Variants in TMEM94 observed in about 807,000 individuals in gnomAD.
TMEM94 encodes transmembrane protein 94.
In TMEM94, 81 loss-of-function variants were observed where a neutral mutation model predicts 158.6. The ratio of observed to expected loss-of-function variants is 0.51; its 90% CI spans 0.43 to 0.61. The LOEUF is 0.61. TMEM94 is among the 20% of genes least tolerant of loss of function. The pLI is 0.00. For missense variants in TMEM94, 1,435 were observed against 1,762.0 expected (o/e 0.81, Z 3.32); for synonymous variants, 751 against 730.7 (o/e 1.03, Z -0.45).
At position 75,462,001 on chromosome 17, in the gene TMEM94, G is replaced by GTTTTTTTTT. The variant is rs1230233393; in HGVS notation, c.-107+5254_-107+5255insTTTTTTTTT. Among the ~76,000 whole-genome samples the GTTTTTTTTT allele has an allele frequency of 1.9e-3, 164 of 85,648 alleles. 25 individuals are homozygous for GTTTTTTTTT. Among genetic ancestry groups the GTTTTTTTTT allele is most frequent in the South Asian group, 2.4e-3 (6 of 2,474 alleles). The allele number at this position is 85,648 out of a possible 152,430, so 56.2% of individuals were successfully genotyped here. Reference sequence around the variant, plus strand: ...TAAATTTTACAGTTTTTTTTGTTTTGTTTTGTTTTGTTTTTTTTTTTTTTG... The same window carrying GTTTTTTTTT: ...TAAATTTTACAGTTTTTTTTGTTTTGTTTTTTTTTTTTTGTTTTGTTTTTTTTTTTTTTG... On this transcript the variant is annotated intron_variant, in intron 1 of 31. Transcript: ENST00000314256.
At position 75,498,098 on chromosome 17, in the gene TMEM94, G is replaced by A. The variant is rs148897625; in HGVS notation, c.3490-77G>A. On this transcript the variant is annotated intron_variant, in intron 27 of 31. Transcript: ENST00000314256. The surrounding 1 kb of genome is among the most constrained non-coding windows in gnomAD (Gnocchi z 6.7). ...AGGCCTGACCATTTACTAAGAGCCCGTTGAATACGTGGAAGAGCTAGGAGC... is the reference window on the plus strand; with the variant it reads ...AGGCCTGACCATTTACTAAGAGCCCATTGAATACGTGGAAGAGCTAGGAGC... 209 of 1,579,218 alleles carry A rather than the reference G, an allele frequency of 1.3e-4. 1 individual carries two copies. The African/African-American group carries it at 2.2e-3, about 16-fold the overall frequency.
rs763075639 is a variant in TMEM94, at chr17:75,489,666, A to G, written c.954+4A>G. ...GTACACCCTCCTCCAGCTCCAGGCAAGGACCACCCTGTCCTCTCTGTCATG... is the reference window on the plus strand; with the variant it reads ...GTACACCCTCCTCCAGCTCCAGGCAGGGACCACCCTGTCCTCTCTGTCATG... On this transcript the variant is annotated splice_donor_region_variant and intron_variant, in intron 9 of 31. Coordinates refer to ENST00000314256, the MANE Select transcript of TMEM94 (RefSeq NM_014738.6). The surrounding 1 kb of genome is among the most constrained non-coding windows in gnomAD (Gnocchi z 5.0). 2.8e-5 allele frequency: 45 copies of G among 1,610,680 alleles called. No individual in the cohort carries two copies. The highest frequency in any genetic ancestry group is 3.7e-5 in the Non-Finnish European group (43 of 1,177,166).
At chr17:75,478,109 G>T (rs1375190849) in intron 2 of TMEM94, among the ~76,000 whole-genome samples, 1 of 117,674 alleles carries the variant, frequency 8.5e-6, no homozygotes, top group African/African-American at 3.2e-5. Flanking sequence ...TCCGCCTCCC[G>T]GGTTCACGCC....
intron 1 of TMEM94, among the ~76,000 whole-genome samples, chr17:75,466,399 T>C (rs1250413921): frequency 3.3e-5 from 5 of 152,212 alleles, no homozygotes; most frequent in Admixed American, 3.3e-4. Context: ...GTAGTGTAAG[T>C]CCTCAGAATT....
At chr17:75,467,655 C>G (rs2050355789) in intron 1 of TMEM94, among the ~76,000 whole-genome samples, 1 of 151,016 alleles carries the variant, frequency 6.6e-6, no homozygotes. Context: ...GCCTCAGCCT[C>G]CCGAGTAGCT....
Position 75,464,685 on chromosome 17 carries a change from T to G in TMEM94, c.-106-7115T>G, listed in dbSNP as rs952832277. Among the ~76,000 whole-genome samples the G allele has an allele frequency of 2.8e-4, 19 of 68,818 alleles. No homozygotes were observed. The East Asian group carries it at 5.4e-3, about 20-fold the overall frequency. The allele number at this position is 68,818 out of a possible 152,430, so 45.1% of individuals were successfully genotyped here. A position where few individuals can be genotyped will look rare whatever the true frequency, so the allele number is the denominator to read the frequency against. ...CTTCCTTCCTTCCTTCCTTCTTTCT[T>G]TCTTTCTTTCTTTCTTTCTTTCCTC... On this transcript the variant is annotated intron_variant, in intron 1 of 31. Coordinates refer to ENST00000314256, the MANE Select transcript of TMEM94 (RefSeq NM_014738.6).
intron 1 of TMEM94, among the ~76,000 whole-genome samples, chr17:75,464,646 T>C (rs1209555955): frequency 8.5e-6 from 1 of 117,440 alleles, no homozygotes; most frequent in African/African-American, 3.1e-5. Flanking sequence ...CTTCCTTCCT[T>C]CCTTCCTTCC....
At chr17:75,461,240 T>C (rs1276603643) in intron 1 of TMEM94, among the ~76,000 whole-genome samples, 1 of 151,720 alleles carries the variant, frequency 6.6e-6, no homozygotes, top group Non-Finnish European at 1.5e-5. Flanking sequence ...GCTGGGAATA[T>C]AGGTGCACAC....
At chr17:75,464,712 T>A (rs1262549413) in intron 1 of TMEM94, among the ~76,000 whole-genome samples, 2 of 145,276 alleles carry the variant, frequency 1.4e-5, no homozygotes, top group East Asian at 4.0e-4. Context: ...TCTTTCCTCT[T>A]TTCTTTCTTT....
chr17:75,494,858 T>C (rs746225766), intron 19 of TMEM94, 38 bp from the exon 20 acceptor site: 11 of 1,612,600 alleles, frequency 6.8e-6, no homozygotes, highest in Middle Eastern at 1.6e-4. Context: ...TCCACGGGCT[T>C]TTGGGCCCGT....
chr17:75,457,112 C>T (rs2049917626), intron 1 of TMEM94, among the ~76,000 whole-genome samples: 1 of 152,154 alleles, frequency 6.6e-6, no homozygotes, highest in Non-Finnish European at 1.5e-5. Flanking sequence ...ATTTCGAGGC[C>T]CCTGGGAGTC....
chr17:75,496,742 A>T lies in TMEM94; in HGVS notation c.3256A>T (p.Thr1086Ser), dbSNP rs149060604. The change falls in exon 25 of 32, where the codon ACC becomes TCC. Residue 1086 changes from threonine to serine, a missense_variant. Thr to Ser is a moderately conservative substitution (Grantham distance 58). This residue lies in a region of TMEM94 where 335 missense variants were observed against 409.1 expected (regional missense o/e 0.82). Transcript: ENST00000314256. ...TCTTGGTCCCTAGGCTCGGCATGCC[A>T]CCTATGGCATCCGTAAGTGCTTCCT... The part of the protein sequence containing the change: ...IRLIEQARHA[T>S]YGIRKCFLFL... 76 of 1,613,750 alleles carry T rather than the reference A, an allele frequency of 4.7e-5. 1 individual carries two copies. The African/African-American group carries it at 8.5e-4, about 18-fold the overall frequency.
At chr17:75,477,353 A>T (rs2050755449) in intron 2 of TMEM94, among the ~76,000 whole-genome samples, 1 of 152,162 alleles carries the variant, frequency 6.6e-6, no homozygotes, top group Admixed American at 6.5e-5. Flanking sequence ...TGATTCGGGC[A>T]TTGTGTGGAG....
chr17:75,490,076 T>TC (rs2052019488), intron 9 of TMEM94, 158 bp from the exon 10 acceptor site: 2 of 913,868 alleles, frequency 2.2e-6, no homozygotes, highest in Non-Finnish European at 2.9e-6. Context: ...AGACTCCGTC[T>TC]CAAAAAAAAA....
rs765752957 is a variant in TMEM94, at chr17:75,493,807, C to T, written c.2298C>T (p.Cys766=). 1 of 1,613,946 alleles carries T rather than the reference C, an allele frequency of 6.2e-7. No homozygotes were observed. The highest frequency in any genetic ancestry group is 1.1e-5 in the South Asian group (1 of 91,082). The change falls in exon 18 of 32, where the codon TGC becomes TGT. Residue 766 remains cysteine, a synonymous_variant. Transcript: ENST00000314256. The part of the protein sequence containing the change: ...CALSSQLNGK[C]IELVQVPGQS... ...TGTCCTCTCAGCTCAATGGCAAGTG[C>T]ATCGAGCTGGTACAGGTGCCCGGCC... is the stretch of plus-strand genomic sequence containing the variant.
intron 2 of TMEM94, among the ~76,000 whole-genome samples, chr17:75,482,835 C>T (rs557936184): frequency 1.1e-4 from 17 of 152,276 alleles, no homozygotes; most frequent in African/African-American, 3.6e-4. Flanking sequence ...CATGCACTGT[C>T]TCAGCAGTTG....
intron 18 of TMEM94, 63 bp from the exon 19 acceptor site, chr17:75,494,564 T>C (rs2052507298): frequency 1.9e-6 from 3 of 1,544,128 alleles, no homozygotes; most frequent in East Asian, 2.3e-5. Flanking sequence ...CATCTGTGTG[T>C]GTGGCCCTGG....
intron 1 of TMEM94, among the ~76,000 whole-genome samples, chr17:75,463,178 G>GTGTATATATATATA (rs1180723796): frequency 4.6e-4 from 7 of 15,080 alleles, no homozygotes; most frequent in African/African-American, 9.9e-4. Context: ...GTGTGTGTGT[G>GTGTATATATATATA]TATATATATA....
chr17:75,488,362 T>G (rs1251208379), intron 6 of TMEM94, among the ~76,000 whole-genome samples: 1 of 152,166 alleles, frequency 6.6e-6, no homozygotes, highest in African/African-American at 2.4e-5. Flanking sequence ...CTGAAGCCTC[T>G]GCCTCCTGGG....
Sources: gnomAD v4.1 joint callset for allele counts (sites outside exome capture counted in the v4.1 genomes callset) on GRCh38, gnomAD v4.1.1 for gene constraint, gnomAD v4.1.1 regional missense constraint, Gnocchi (gnomAD v3.1) non-coding constraint, MANE v1.5 for transcripts, NCBI Gene and HGNC (gene_info 2026-07-23, HGNC 2026-07-21) for gene names.